Variants in SUPT3H observed in about 807,000 individuals in gnomAD.
The protein encoded by SUPT3H is SPT3 homolog, SAGA and STAGA complex component, also known as transcription initiation protein SPT3 homolog.
A neutral mutation model predicts 44.3 loss-of-function variants in SUPT3H; 44 were observed. That is an observed-to-expected ratio of 0.99 (90% confidence interval 0.78 to 1.28). SUPT3H has a LOEUF of 1.28. Among genes scored for constraint, SUPT3H ranks in the 50% most tolerant of loss-of-function variants. The pLI, the probability that SUPT3H is intolerant of heterozygous loss-of-function variation, is 0.00. For synonymous variants in SUPT3H, 124 were observed against 125.6 expected, an observed-to-expected ratio of 0.99 and a Z score of 0.09; for missense variants, 380 against 387.1, an observed-to-expected ratio of 0.98 and a Z score of 0.15.
intron 2 of SUPT3H, among the ~76,000 whole-genome samples, chr6:45,188,313 G>T (rs887505647): frequency 3.9e-5 from 6 of 152,212 alleles, no homozygotes; most frequent in Non-Finnish European, 7.3e-5. Context: ...AAGACGTATA[G>T]TAAGAACGAA....
chr6:45,069,671 A>T (rs542640940), intron 3 of SUPT3H, among the ~76,000 whole-genome samples: 44 of 152,310 alleles, frequency 2.9e-4, no homozygotes, highest in African/African-American at 9.9e-4. Context: ...TACTAAAAAT[A>T]ATCTGAAATA....
Position 45,078,492 on chromosome 6 carries a change from C to T in SUPT3H, c.186+27430G>A, listed in dbSNP as rs569891717. On this transcript the variant is annotated intron_variant, in intron 3 of 10. Coordinates refer to ENST00000371459, the MANE Select transcript of SUPT3H (RefSeq NM_003599.4). ...GTTCTTAGTTTTATTATAAATTTAG[C>T]TCTATTGGTGAGTTTTATACTTTCA... 4.6e-5 allele frequency among the ~76,000 whole-genome samples: 7 copies of T among 152,146 alleles called. No individual in the cohort carries two copies. In the South Asian group the frequency reaches 1.2e-3, roughly 27 times the overall value.
intron 2 of SUPT3H, among the ~76,000 whole-genome samples, chr6:45,132,932 TAGTA>T (rs1479596386): frequency 6.6e-6 from 1 of 152,062 alleles, no homozygotes; most frequent in Non-Finnish European, 1.5e-5. Context: ...AGGACAAAAG[TAGTA>T]AGTGTTTGAA....
chr6:45,102,078 C>T (rs923203570), intron 3 of SUPT3H, among the ~76,000 whole-genome samples: 1 of 151,964 alleles, frequency 6.6e-6, no homozygotes, highest in African/African-American at 2.4e-5. Flanking sequence ...TAAGACTACA[C>T]ATTTGACAAA....
At chr6:44,957,083 G>T (rs1388303668) in intron 7 of SUPT3H, among the ~76,000 whole-genome samples, 1 of 152,164 alleles carries the variant, frequency 6.6e-6, no homozygotes, top group African/African-American at 2.4e-5. Flanking sequence ...TAGAGGGAAA[G>T]ATTGATAGTG....
chr6:45,068,964 G>C (rs1017218179), intron 3 of SUPT3H, among the ~76,000 whole-genome samples: 2 of 148,096 alleles, frequency 1.4e-5, no homozygotes, highest in African/African-American at 4.9e-5. Context: ...CTTGCTTGTG[G>C]AGTTTTACTT....
At chr6:45,229,645 G>T (rs1767592012) in intron 2 of SUPT3H, among the ~76,000 whole-genome samples, 1 of 151,958 alleles carries the variant, frequency 6.6e-6, no homozygotes, top group Non-Finnish European at 1.5e-5. Flanking sequence ...AGACTAAGTA[G>T]CTAAACCTCC....
rs1012513897 is a variant in SUPT3H, at chr6:44,827,321, CGTT to C, written c.*2492_*2494del. Among the ~76,000 whole-genome samples, 9 of 152,054 alleles carry C rather than the reference CGTT, an allele frequency of 5.9e-5. No individual in the cohort carries two copies. The highest frequency in any genetic ancestry group is 2.2e-4 in the African/African-American group (9 of 41,436). On this transcript the variant is annotated 3_prime_UTR_variant, in exon 11 of 11. Coordinates refer to ENST00000371459, the MANE Select transcript of SUPT3H (RefSeq NM_003599.4). ...GTACAGTTTTTAAATAAATTTACAT[CGTT>C]GTCTAGGATAAATATGCCATAAAAC... is the stretch of plus-strand genomic sequence containing the variant.
In SUPT3H at chr6:45,320,412, C is replaced by T. The variant is rs190122421; in HGVS notation, c.101+44789G>A. ...CCTAATAGCTGGGACCACAAGCGTA[C>T]GTCACCATGCCTGGCTAATTTTTCT... On this transcript the variant is annotated intron_variant, in intron 2 of 10. Coordinates refer to ENST00000371459, the MANE Select transcript of SUPT3H (RefSeq NM_003599.4). Among the ~76,000 whole-genome samples, 18 of 151,658 alleles carry T rather than the reference C, an allele frequency of 1.2e-4. No homozygotes were observed. In the South Asian group the frequency reaches 2.3e-3, roughly 19 times the overall value.
chr6:45,023,331 G>C (rs1406062659), intron 3 of SUPT3H, among the ~76,000 whole-genome samples: 1 of 151,962 alleles, frequency 6.6e-6, no homozygotes, highest in Non-Finnish European at 1.5e-5. Context: ...ACTGTTAATG[G>C]GAGTGTAAAT....
At chr6:45,310,724 A>T (rs974828018) in intron 2 of SUPT3H, among the ~76,000 whole-genome samples, 1 of 152,182 alleles carries the variant, frequency 6.6e-6, no homozygotes, top group African/African-American at 2.4e-5. Context: ...CCACAGGAAA[A>T]GGGGGCGAGT....
intron 3 of SUPT3H, among the ~76,000 whole-genome samples, chr6:45,058,304 T>C (rs546932343): frequency 1.7e-3 from 258 of 152,254 alleles, no homozygotes; most frequent in Non-Finnish European, 2.8e-3. Context: ...TGATTTCTTA[T>C]AGTCAAGGTT....
intron 2 of SUPT3H, among the ~76,000 whole-genome samples, chr6:45,265,702 A>C (rs1255333148): frequency 6.6e-6 from 1 of 152,176 alleles, no homozygotes; most frequent in Non-Finnish European, 1.5e-5. Flanking sequence ...ACAGTATTAC[A>C]TGGCCAAGAA....
At chr6:44,815,075 A>C (rs981524218) in intron 11 of SUPT3H, among the ~76,000 whole-genome samples, 1 of 152,098 alleles carries the variant, frequency 6.6e-6, no homozygotes, top group Non-Finnish European at 1.5e-5. Context: ...TTATGAACAT[A>C]TTGTGTGTGT....
chr6:45,360,404 T>C (rs1008560798), intron 2 of SUPT3H, among the ~76,000 whole-genome samples: 3 of 152,348 alleles, frequency 2.0e-5, no homozygotes, highest in Admixed American at 1.3e-4. Flanking sequence ...AGTATGTTCG[T>C]ACTTTTTACC....
intron 10 of SUPT3H, among the ~76,000 whole-genome samples, chr6:44,846,540 A>G (rs925059492): frequency 6.6e-6 from 1 of 152,144 alleles, no homozygotes; most frequent in African/African-American, 2.4e-5. Context: ...AGACCAGGAT[A>G]GATGTCTATA....
intron 3 of SUPT3H, among the ~76,000 whole-genome samples, chr6:45,040,776 C>T (rs893447669): frequency 4.6e-5 from 7 of 152,066 alleles, no homozygotes; most frequent in South Asian, 2.1e-4. Context: ...GAGGTTGATA[C>T]GGAAATTCAG....
chr6:45,365,394 G>C (rs763800375), intron 1 of SUPT3H, 93 bp from the exon 2 acceptor site: 13 of 793,720 alleles, frequency 1.6e-5, no homozygotes, highest in African/African-American at 5.3e-5. Context: ...ACTTCAAAAA[G>C]TAGAGAAAAT....
At chr6:45,373,632 C>T (rs930010246) in intron 1 of SUPT3H, among the ~76,000 whole-genome samples, 2 of 152,078 alleles carry the variant, frequency 1.3e-5, no homozygotes, top group African/African-American at 4.8e-5. Context: ...CTCACTGCAA[C>T]CTCCGCCTCC....
Sources: allele counts gnomAD v4.1 joint callset (sites outside exome capture counted in the v4.1 genomes callset), GRCh38; gene constraint gnomAD v4.1.1; transcripts MANE v1.5; gene names NCBI Gene and HGNC (gene_info 2026-07-23, HGNC 2026-07-21).